MMP16: variants seen among roughly 807,000 people sequenced by gnomAD.
MMP16 encodes the protein matrix metallopeptidase 16, also known as matrix metalloproteinase-16.
In MMP16, 12 loss-of-function variants were observed where a neutral mutation model predicts 67.8. The ratio of observed to expected loss-of-function variants is 0.18; its 90% CI spans 0.11 to 0.29. The LOEUF (loss-of-function observed/expected upper bound fraction) is 0.29. MMP16 is among the 10% of genes least tolerant of loss of function. The pLI is 1.00. For synonymous variants in MMP16, 249 were observed against 255.9 expected (o/e 0.97, Z 0.26); for missense variants, 475 against 765.7 (o/e 0.62, Z 4.48).
In MMP16 at chr8:88,058,510, T is replaced by C. The variant is rs554538262; in HGVS notation, c.1223-2232A>G. Among the ~76,000 whole-genome samples, 45 of 152,140 alleles carry C rather than the reference T, an allele frequency of 3.0e-4. No individual in the cohort carries two copies. The highest frequency in any genetic ancestry group is 1.1e-3 in the African/African-American group (45 of 41,562). On this transcript the variant is annotated intron_variant, in intron 7 of 9. Transcript: ENST00000286614. The surrounding 1 kb of genome is among the most constrained non-coding windows in gnomAD (Gnocchi z 4.2). ...AGTATGAATCAAACAGATGAATAAA[T>C]TAAAACTTCAGAAAGCAAAGTGCTA...
rs577101842 is a variant in MMP16, at chr8:88,269,005, A to G, written c.132+58070T>C. On this transcript the variant is annotated intron_variant, in intron 1 of 9. Transcript: ENST00000286614. ...TGGAGGATCTAGGCAGGATTCCCTA[A>G]GGTAAAAAGCAGCAATCCAGACTGA... Among the ~76,000 whole-genome samples, 3 of 152,234 alleles carry G rather than the reference A, an allele frequency of 2.0e-5. No individual in the cohort carries two copies. The South Asian group carries it at 6.2e-4, about 32-fold the overall frequency.
At chr8:88,050,824 T>C (rs1242230800) in intron 8 of MMP16, among the ~76,000 whole-genome samples, 3 of 152,234 alleles carry the variant, frequency 2.0e-5, no homozygotes, top group African/African-American at 4.8e-5. Context: ...TGTTCATTCA[T>C]AGATTCATTC....
chr8:88,220,033 TACTC>T (rs1563565898), intron 1 of MMP16, among the ~76,000 whole-genome samples: 1 of 152,166 alleles, frequency 6.6e-6, no homozygotes, highest in East Asian at 1.9e-4. Flanking sequence ...CTATACCCCT[TACTC>T]ACTCCTCTAT....
chr8:88,204,118 C>T (rs1015043693), intron 1 of MMP16, among the ~76,000 whole-genome samples: 5 of 152,158 alleles, frequency 3.3e-5, no homozygotes, highest in African/African-American at 1.2e-4. Flanking sequence ...ATCCCAGCAA[C>T]AGAATTTTCC....
At chr8:88,287,184 C>T (rs1810845812) in intron 1 of MMP16, among the ~76,000 whole-genome samples, 1 of 152,132 alleles carries the variant, frequency 6.6e-6, no homozygotes, top group African/African-American at 2.4e-5. Flanking sequence ...GCTCTGATGC[C>T]CTGCCTATAT....
At chr8:88,218,982 G>A (rs563394224) in intron 1 of MMP16, among the ~76,000 whole-genome samples, 3 of 152,084 alleles carry the variant, frequency 2.0e-5, no homozygotes, top group Non-Finnish European at 4.4e-5. Flanking sequence ...CATACACAAG[G>A]ATCTCAGGGA....
At chr8:88,283,867 C>T (rs966952617) in intron 1 of MMP16, among the ~76,000 whole-genome samples, 12 of 152,188 alleles carry the variant, frequency 7.9e-5, no homozygotes, top group Non-Finnish European at 1.6e-4. Context: ...ACTGACTACA[C>T]AACATCATTA....
chr8:88,169,568 A>C (rs1808767056), intron 3 of MMP16, among the ~76,000 whole-genome samples: 1 of 152,204 alleles, frequency 6.6e-6, no homozygotes, highest in Non-Finnish European at 1.5e-5. Context: ...ATTTTTCACT[A>C]TTTTCTAATA....
At chr8:88,292,185 C>G (rs1377845626) in intron 1 of MMP16, among the ~76,000 whole-genome samples, 1 of 152,150 alleles carries the variant, frequency 6.6e-6, no homozygotes, top group Non-Finnish European at 1.5e-5. Context: ...ACATTTAATA[C>G]AAAATTATAT....
chr8:88,185,323 G>A (rs1433396578), intron 3 of MMP16, among the ~76,000 whole-genome samples: 1 of 152,128 alleles, frequency 6.6e-6, no homozygotes, highest in African/African-American at 2.4e-5. Context: ...GCTGGGCATG[G>A]TGGTGCATGC....
chr8:88,314,139 C>T (rs984737461), intron 1 of MMP16, among the ~76,000 whole-genome samples: 5 of 152,142 alleles, frequency 3.3e-5, no homozygotes, highest in Admixed American at 6.6e-5. Context: ...TGTATTTCTG[C>T]AACCTAAAGT....
At chr8:88,139,157 AATT>A (rs1482072786) in intron 4 of MMP16, among the ~76,000 whole-genome samples, 2 of 152,096 alleles carry the variant, frequency 1.3e-5, no homozygotes, top group African/African-American at 4.8e-5. Context: ...TCTGTAGAAA[AATT>A]ACTACACATT....
chr8:88,327,248 TTCTCCCTCTCTCCC>T lies in MMP16; in HGVS notation c.-56_-43del. The T allele has an allele frequency of 6.2e-7, 1 of 1,611,036 alleles. No individual in the cohort carries two copies. Among genetic ancestry groups the T allele is most frequent in the Non-Finnish European group, 8.5e-7 (1 of 1,178,168 alleles). ...ATGGATGGACGAGCTCCCCTTCGTT[TTCTCCCTCTCTCCC>T]TCTCCCTCCCTCCCTCGTTTCCTTT... is the stretch of plus-strand genomic sequence containing the variant. On this transcript the variant is annotated 5_prime_UTR_variant, in exon 1 of 10. Coordinates refer to ENST00000286614, the MANE Select transcript of MMP16 (RefSeq NM_005941.5).
At chr8:88,190,194 T>C (rs1809148919) in intron 2 of MMP16, among the ~76,000 whole-genome samples, 1 of 152,212 alleles carries the variant, frequency 6.6e-6, no homozygotes, top group Admixed American at 6.5e-5. Flanking sequence ...GAATGAAGAT[T>C]GGTAAAGTTG....
chr8:88,046,810 C>T lies in MMP16; in HGVS notation c.1374-26G>A, dbSNP rs756184927. On this transcript the variant is annotated intron_variant, in intron 8 of 9. Coordinates refer to ENST00000286614, the MANE Select transcript of MMP16 (RefSeq NM_005941.5). Reference sequence around the variant, plus strand: ...CTACAAAGGATAAAAACAACAACAACAAACACAATAACACACATATAGGGA... The same window carrying T: ...CTACAAAGGATAAAAACAACAACAATAAACACAATAACACACATATAGGGA... 3.5e-6 allele frequency: 5 copies of T among 1,416,508 alleles called. No homozygotes were observed. The Admixed American group carries it at 9.9e-5, about 28-fold the overall frequency. 87.7% of individuals were successfully genotyped at this position (1,416,508 alleles called of 1,614,324 possible).
At chr8:88,083,141 T>C (rs577836377) in intron 6 of MMP16, among the ~76,000 whole-genome samples, 1 of 152,108 alleles carries the variant, frequency 6.6e-6, no homozygotes, top group African/African-American at 2.4e-5. Flanking sequence ...GATATAAGTA[T>C]GTTAATTAAT....
At chr8:88,299,371 G>A (rs140295431) in intron 1 of MMP16, among the ~76,000 whole-genome samples, 34 of 152,018 alleles carry the variant, frequency 2.2e-4, no homozygotes, top group Non-Finnish European at 3.8e-4. Flanking sequence ...TGCTAGCATC[G>A]TATCTCTTTA....
intron 2 of MMP16, among the ~76,000 whole-genome samples, chr8:88,190,432 A>G (rs1809152642): frequency 6.6e-6 from 1 of 152,172 alleles, no homozygotes; most frequent in Admixed American, 6.5e-5. Flanking sequence ...TGGAAATTTT[A>G]AAGTTCCCAA....
At chr8:88,284,688 T>C (rs907653946) in intron 1 of MMP16, among the ~76,000 whole-genome samples, 1 of 152,198 alleles carries the variant, frequency 6.6e-6, no homozygotes. Flanking sequence ...TTACTCACCA[T>C]GTACACATTC....
Sources: gnomAD v4.1 joint callset for allele counts (sites outside exome capture counted in the v4.1 genomes callset) on GRCh38, gnomAD v4.1.1 for gene constraint, Gnocchi (gnomAD v3.1) non-coding constraint, MANE v1.5 for transcripts, NCBI Gene and HGNC (gene_info 2026-07-23, HGNC 2026-07-21) for gene names.